GPAM: variants seen among roughly 807,000 people sequenced by gnomAD.
The protein encoded by GPAM is glycerol-3-phosphate acyltransferase 1, mitochondrial.
A neutral mutation model predicts 105.0 loss-of-function variants in GPAM; 56 were observed. That is an observed-to-expected ratio of 0.53 (90% confidence interval 0.43 to 0.67). GPAM has a LOEUF of 0.67. Among genes scored for constraint, GPAM ranks in the 30% least tolerant of loss-of-function variants. GPAM has a pLI of 0.00. For synonymous variants in GPAM, 368 were observed against 354.4 expected (o/e 1.04, Z -0.43); for missense variants, 855 against 989.8 (o/e 0.86, Z 1.83).
the GPAM span, among the ~76,000 whole-genome samples, chr10:112,221,667 T>A: frequency 4.7e-4 from 71 of 151,532 alleles, no homozygotes; most frequent in Non-Finnish European, 1.9e-4. Context: ...ATGGCACCAA[T>A]CTGTCATTGT....
In GPAM at chr10:112,150,985, A is replaced by G; in HGVS notation, c.*2565T>C. ...GCCATCTCAGTTAACAGTTCTACAC[A>G]TTTCCCACTAGTTTTTGCCTTTGTT... On this transcript the variant is annotated 3_prime_UTR_variant, in exon 22 of 22. Coordinates refer to ENST00000348367, the MANE Select transcript of GPAM (RefSeq NM_001244949.2). 1 of 985,458 alleles carries G rather than the reference A, an allele frequency of 1.0e-6. No homozygotes were observed. The highest frequency in any genetic ancestry group is 1.2e-6 in the Non-Finnish European group (1 of 829,646). The allele number at this position is 985,458 out of a possible 1,614,324, so 61.0% of individuals were successfully genotyped here.
intron 6 of GPAM, among the ~76,000 whole-genome samples, chr10:112,175,065 A>G (rs1321699365): frequency 1.3e-5 from 2 of 152,034 alleles, no homozygotes; most frequent in African/African-American, 4.8e-5. Flanking sequence ...AAACTCCCAT[A>G]TTCTAGAATA....
chr10:112,153,199 A>C lies in GPAM; in HGVS notation c.*351T>G. On this transcript the variant is annotated 3_prime_UTR_variant, in exon 22 of 22. Coordinates refer to ENST00000348367, the MANE Select transcript of GPAM (RefSeq NM_001244949.2). ...CATGTAAGATTCAGTTCCAGAACACAGCTACATTTCTGTGTCCATCACAGT... is the reference window on the plus strand; with the variant it reads ...CATGTAAGATTCAGTTCCAGAACACCGCTACATTTCTGTGTCCATCACAGT... The C allele has an allele frequency of 8.8e-7, 1 of 1,131,874 alleles. No homozygotes were observed. Among genetic ancestry groups the C allele is most frequent in the Non-Finnish European group, 1.1e-6 (1 of 914,376 alleles). The allele number at this position is 1,131,874 out of a possible 1,614,324, so 70.1% of individuals were successfully genotyped here.
intron 10 of GPAM, 101 bp downstream of exon 10, chr10:112,168,752 C>A: frequency 1.2e-6 from 1 of 843,876 alleles, no homozygotes; most frequent in South Asian, 1.4e-5. Context: ...TCCAGTTACT[C>A]AAAGAGCAGT....
At chr10:112,180,616 A>C in intron 3 of GPAM, 21 bp from the exon 4 acceptor site, 1 of 1,599,744 alleles carries the variant, frequency 6.3e-7, no homozygotes. Context: ...TTAAGAAAAA[A>C]ATATAGTTTC....
chr10:112,188,878 G>A (rs1170621097), intron 1 of GPAM, among the ~76,000 whole-genome samples: 1 of 152,118 alleles, frequency 6.6e-6, no homozygotes, highest in Admixed American at 6.5e-5. Context: ...CAGACACAAA[G>A]CAGCACAGAA....
upstream of GPAM, among the ~76,000 whole-genome samples, chr10:112,186,954 G>C (rs1847603434): frequency 6.6e-6 from 1 of 152,192 alleles, no homozygotes; most frequent in African/African-American, 2.4e-5. Context: ...ACAGCACAAA[G>C]TCCAGGAAGG....
At position 112,202,512 on chromosome 10, in the gene GPAM, G is replaced by C. The variant is rs530830447; in HGVS notation, n.210+12656C>G. Among the ~76,000 whole-genome samples, 17 of 152,272 alleles carry C rather than the reference G, an allele frequency of 1.1e-4. No individual in the cohort carries two copies. The East Asian group carries it at 3.1e-3, about 28-fold the overall frequency. On this transcript the variant is annotated intron_variant and non_coding_transcript_variant, in intron 1 of 3. Coordinates refer to the GPAM transcript ENST00000480130. ...CAAAATAGGAAATTGAGTTCTAATA[G>C]GAATTATGACTCCAAACCTTTTGAC...
At chr10:112,194,750 G>A (rs180675519) in intron 1 of GPAM, among the ~76,000 whole-genome samples, 23 of 152,176 alleles carry the variant, frequency 1.5e-4, no homozygotes, top group Middle Eastern at 3.4e-3. Context: ...CAGTCTCTCC[G>A]CTTTCACAAC....
Position 112,151,973 on chromosome 10 carries a change from G to C in GPAM, c.*1577C>G. The stretch of plus-strand genomic sequence containing the variant: ...TATATTTTAAATGCAGAACTTGAGA[G>C]GGATCACAACAGCATAGCATTATTG... On this transcript the variant is annotated 3_prime_UTR_variant, in exon 22 of 22. Transcript: ENST00000348367. 2.1e-5 allele frequency: 21 copies of C among 981,108 alleles called. No individual in the cohort carries two copies. Among genetic ancestry groups the C allele is most frequent in the Non-Finnish European group, 2.4e-5 (20 of 826,122 alleles). The allele number at this position is 981,108 out of a possible 1,614,324, so 60.8% of individuals were successfully genotyped here.
chr10:112,157,689 C>G (rs74589181), intron 18 of GPAM, among the ~76,000 whole-genome samples: 3,469 of 152,220 alleles, frequency 0.023, 120 homozygotes, highest in African/African-American at 0.078. Context: ...CTAAATCTAC[C>G]AAAATTAAAA....
At chr10:112,213,136 C>T (rs979347817) in intron 1 of GPAM, among the ~76,000 whole-genome samples, 25 of 152,170 alleles carry the variant, frequency 1.6e-4, no homozygotes, top group Non-Finnish European at 3.4e-4. Flanking sequence ...TGAATGGGTC[C>T]AACCGAGCAT....
upstream of GPAM, among the ~76,000 whole-genome samples, chr10:112,217,451 T>G (rs532425785): frequency 2.4e-4 from 37 of 152,102 alleles, no homozygotes; most frequent in South Asian, 6.2e-4. Flanking sequence ...TTTTTTTTTT[T>G]TGTGATATCA....
At chr10:112,189,315 C>T (rs1484295653) in intron 1 of GPAM, among the ~76,000 whole-genome samples, 1 of 152,128 alleles carries the variant, frequency 6.6e-6, no homozygotes, top group Non-Finnish European at 1.5e-5. Context: ...CGCCACCCAA[C>T]CTATTGTAGA....
intron 4 of GPAM, among the ~76,000 whole-genome samples, chr10:112,178,804 G>A (rs1481701860): frequency 2.0e-5 from 3 of 152,136 alleles, no homozygotes; most frequent in East Asian, 1.9e-4. Flanking sequence ...AACTAAGACC[G>A]GGAGAGGTTT....
chr10:112,175,845 G>C, intron 5 of GPAM, 132 bp from the exon 6 acceptor site: 1 of 664,194 alleles, frequency 1.5e-6, no homozygotes. Context: ...TTCTCCTACA[G>C]CAAATTCTCC....
intron 1 of GPAM, among the ~76,000 whole-genome samples, chr10:112,213,290 A>C (rs1847933200): frequency 6.6e-6 from 1 of 152,220 alleles, no homozygotes; most frequent in Non-Finnish European, 1.5e-5. Flanking sequence ...TACTGTGTTA[A>C]CTTGGGCAGT....
chr10:112,204,440 T>G (rs1847837047), intron 1 of GPAM, among the ~76,000 whole-genome samples: 1 of 151,682 alleles, frequency 6.6e-6, no homozygotes, highest in Admixed American at 6.6e-5. Context: ...AAGAGTAGGT[T>G]GTAAAGATAG....
At chr10:112,211,943 C>T (rs892579580) in intron 1 of GPAM, among the ~76,000 whole-genome samples, 1 of 152,250 alleles carries the variant, frequency 6.6e-6, no homozygotes. Context: ...TAGACTTTTT[C>T]AAACATGATG....
Sources: gnomAD v4.1 joint callset for allele counts (sites outside exome capture counted in the v4.1 genomes callset) on GRCh38, gnomAD v4.1.1 for gene constraint, MANE v1.5 for transcripts, NCBI Gene and HGNC (gene_info 2026-07-23, HGNC 2026-07-21) for gene names.